Variants in CDC34 observed in about 807,000 individuals in gnomAD.
CDC34 encodes the protein cell division cycle 34, ubiquitin conjugating enzyme.
In CDC34, 18 loss-of-function variants were observed where a neutral mutation model predicts 26.8. That is an observed-to-expected ratio of 0.67 (90% CI 0.47 to 1.00). CDC34 has a LOEUF of 1.00. CDC34 is among the 50% of genes least tolerant of loss of function. CDC34 has a pLI of 0.00. For synonymous variants in CDC34, 178 were observed against 147.5 expected (o/e 1.21, Z -1.50); for missense variants, 280 against 334.5 (o/e 0.84, Z 1.27).
At chr19:534,468 T>G (rs1600421008) in intron 1 of CDC34, among the ~76,000 whole-genome samples, 2 of 95,476 alleles carry the variant, frequency 2.1e-5, no homozygotes, top group Non-Finnish European at 4.1e-5. Context: ...CTGAGTGCCC[T>G]CCCTGTCCAG....
chr19:536,451 C>T lies in CDC34; in HGVS notation c.362+111C>T. ...CGGGCTCCCCCACAGGCTGTGGCGC[C>T]AAGGCCTGATTCGGGACCTGCCAGC... On this transcript the variant is annotated intron_variant, in intron 3 of 4. Transcript: ENST00000215574. 3.6e-6 allele frequency: 3 copies of T among 823,022 alleles called. No homozygotes were observed. In the East Asian group the frequency reaches 8.1e-5, roughly 22 times the overall value. 51.0% of individuals were successfully genotyped at this position (823,022 alleles called of 1,614,324 possible).
At chr19:540,792 G>A in intron 4 of CDC34, among the ~76,000 whole-genome samples, 1 of 53,182 alleles carries the variant, frequency 1.9e-5, no homozygotes, top group Non-Finnish European at 4.9e-5. Flanking sequence ...AGGCTGGGAT[G>A]GCCAGGCCCC....
At chr19:541,196 A>T (rs1029656634) in intron 4 of CDC34, 143 bp from the exon 5 acceptor site, 1 of 1,086,574 alleles carries the variant, frequency 9.2e-7, no homozygotes, top group Non-Finnish European at 1.3e-6. Flanking sequence ...CCTCACGCAC[A>T]GGGCTTTGTC....
chr19:538,570 T>G (rs1260657062), intron 4 of CDC34: 5 of 333,508 alleles, frequency 1.5e-5, no homozygotes, highest in African/African-American at 1.1e-4. Context: ...TTGCATAGAT[T>G]TCCTCACAGA....
In CDC34 at chr19:531,838, C is replaced by T; in HGVS notation, c.-94C>T. On this transcript the variant is annotated 5_prime_UTR_variant, in exon 1 of 5. Transcript: ENST00000215574. ...AGGCAGGCGGCGGCCCCGGTGGCTC[C>T]CCCCCGGACGGTGCGCGGCCCGGCC... 1.4e-6 allele frequency: 1 copy of T among 739,112 alleles called. No individual in the cohort carries two copies. The highest frequency in any genetic ancestry group is 1.7e-6 in the Non-Finnish European group (1 of 572,908). 45.8% of individuals were successfully genotyped at this position (739,112 alleles called of 1,614,324 possible).
rs1225072936 is a variant in CDC34, at chr19:536,285, G to A, written c.307G>A (p.Asp103Asn). The A allele has an allele frequency of 1.9e-6, 3 of 1,612,370 alleles. No homozygotes were observed. The highest frequency in any genetic ancestry group is 2.5e-6 in the Non-Finnish European group (3 of 1,179,680). ...CTCCATCCTCCACCCGCCGGTGGAC[G>A]ACCCCCAGAGCGGGGAGCTGCCCTC... ...CISILHPPVD[D>N]PQSGELPSER... is the part of the protein sequence containing the mutation. Residue 103 changes from aspartate (D) to asparagine (N), a missense_variant, in exon 3 of 5, where the codon GAC becomes AAC. Physicochemically the swap from Asp to Asn is conservative, Grantham distance 23 (BLOSUM62 1). Coordinates refer to ENST00000215574, the MANE Select transcript of CDC34 (RefSeq NM_004359.2).
In CDC34 at chr19:541,912, C is replaced by T. The variant is rs11557524; in HGVS notation, c.*360C>T. ...GCTGCTGGGAACGTGGGCGGGGGGC[C>T]GTTTCCTGACACTACCAGCCTGGGA... On this transcript the variant is annotated 3_prime_UTR_variant, in exon 5 of 5. Coordinates refer to ENST00000215574, the MANE Select transcript of CDC34 (RefSeq NM_004359.2). 1.0e-3 allele frequency: 185 copies of T among 179,850 alleles called. No homozygotes were observed. Among genetic ancestry groups the T allele is most frequent in the African/African-American group, 4.0e-3 (171 of 42,508 alleles). 11.1% of individuals were successfully genotyped at this position (179,850 alleles called of 1,614,324 possible).
Position 541,314 on chromosome 19 carries a change from G to T in CDC34, c.498-25G>T. 2.0e-6 allele frequency: 3 copies of T among 1,518,254 alleles called. No homozygotes were observed. In the South Asian group the frequency reaches 3.6e-5, roughly 18 times the overall value. The allele number at this position is 1,518,254 out of a possible 1,614,324, so 94.0% of individuals were successfully genotyped here. On this transcript the variant is annotated intron_variant, in intron 4 of 4. Transcript: ENST00000215574. ...GGCCGAGTCCAGGCACGTGGGTGGC[G>T]CCCTCACCCACCCTGTCCCCCCAGG...
intron 3 of CDC34, chr19:536,713 G>A (rs925771187): frequency 2.6e-5 from 14 of 535,548 alleles, no homozygotes; most frequent in Middle Eastern, 5.0e-4. Context: ...GCACTGGGCC[G>A]TGTTGCCCGT....
At chr19:540,980 C>T (rs1347081511) in intron 4 of CDC34, among the ~76,000 whole-genome samples, 2 of 152,184 alleles carry the variant, frequency 1.3e-5, no homozygotes, top group African/African-American at 2.4e-5. Context: ...TGCTCCTGCG[C>T]TGAGGAAGGC....
intron 4 of CDC34, 161 bp from the exon 5 acceptor site, chr19:541,178 C>T (rs899619469): frequency 8.7e-6 from 8 of 914,646 alleles, no homozygotes; most frequent in African/African-American, 8.5e-5. Context: ...ATTTCTCCCC[C>T]TGGAGTTCCT....
chr19:534,415 G>A (rs995806204), intron 1 of CDC34, among the ~76,000 whole-genome samples: 7 of 137,804 alleles, frequency 5.1e-5, no homozygotes, highest in Admixed American at 1.5e-4. Context: ...CAAGACCCCC[G>A]AGTACCCTCC....
chr19:540,042 C>A (rs5826701), intron 4 of CDC34, among the ~76,000 whole-genome samples: 1 of 34,808 alleles, frequency 2.9e-5, no homozygotes, highest in Non-Finnish European at 8.1e-5. Context: ...GGTGGCCAGG[C>A]CCCCCACGTT....
chr19:541,494 A>C lies in CDC34; in HGVS notation c.653A>C (p.Glu218Ala). 3 of 1,610,806 alleles carry C rather than the reference A, an allele frequency of 1.9e-6. No individual in the cohort carries two copies. The highest frequency in any genetic ancestry group is 2.5e-6 in the Non-Finnish European group (3 of 1,178,554). ...DDYYEDGEVE[E>A]EADSCFGDDE... ...TACTACGAGGACGGCGAGGTGGAGG[A>C]GGAGGCCGACAGCTGCTTCGGGGAC... The change falls in exon 5 of 5, where the codon GAG becomes GCG. Residue 218 changes from glutamate to alanine, a missense_variant. Coordinates refer to ENST00000215574, the MANE Select transcript of CDC34 (RefSeq NM_004359.2).
chr19:536,296 CG>C lies in CDC34; in HGVS notation c.322del (p.Glu108SerfsTer18). 6.2e-7 allele frequency: 1 copy of C among 1,612,446 alleles called. No individual in the cohort carries two copies. On this transcript the variant is annotated frameshift_variant, in exon 3 of 5. Transcript: ENST00000215574. LOFTEE classifies it high-confidence loss of function. ...ACCCGCCGGTGGACGACCCCCAGAG[CG>C]GGGAGCTGCCCTCAGAGAGGTGGAA... is the stretch of plus-strand genomic sequence containing the variant. ...LHPPVDDPQSGELPSERWNPT... is the reference protein window; with the variant it reads ...LHPPVDDPQSXELPSERWNPT...
In CDC34 at chr19:535,112, C is replaced by G. The variant is rs573543261; in HGVS notation, c.178-725C>G. On this transcript the variant is annotated intron_variant, in intron 1 of 4. Transcript: ENST00000215574. Reference sequence around the variant, plus strand: ...ATCACGCCCCAGGCTGCAGGCCAGACAGCTCTGTCACCTGGCACGTGGCTT... The same window carrying G: ...ATCACGCCCCAGGCTGCAGGCCAGAGAGCTCTGTCACCTGGCACGTGGCTT... Among the ~76,000 whole-genome samples, 185 of 152,360 alleles carry G rather than the reference C, an allele frequency of 1.2e-3. 1 individual carries two copies. The highest frequency in any genetic ancestry group is 4.1e-3 in the African/African-American group (172 of 41,582).
intron 3 of CDC34, 91 bp downstream of exon 3, chr19:536,431 T>TC: frequency 9.6e-7 from 1 of 1,037,330 alleles, no homozygotes; most frequent in Non-Finnish European, 1.4e-6. Flanking sequence ...TAGGCCGGGC[T>TC]CCCCCACAGG....
chr19:537,686 TAC>T (rs1979824771), intron 4 of CDC34, among the ~76,000 whole-genome samples: 2 of 101,060 alleles, frequency 2.0e-5, no homozygotes, highest in African/African-American at 7.2e-5. Flanking sequence ...GACAGAGTTA[TAC>T]TCTCTTGCCT....
At chr19:534,516 C>T (rs78090242) in intron 1 of CDC34, among the ~76,000 whole-genome samples, 68 of 127,778 alleles carry the variant, frequency 5.3e-4, no homozygotes, top group East Asian at 1.5e-3. Flanking sequence ...AGTGCCCTCC[C>T]TGTCCAGACC....
Sources: allele counts gnomAD v4.1 joint callset (sites outside exome capture counted in the v4.1 genomes callset), GRCh38; gene constraint gnomAD v4.1.1; transcripts MANE v1.5; gene names NCBI Gene and HGNC (gene_info 2026-07-23, HGNC 2026-07-21).